KIAA1671: variants seen among roughly 807,000 people sequenced by gnomAD.
KIAA1671 encodes the protein uncharacterized protein KIAA1671.
Under a neutral mutation model 131.2 loss-of-function variants are expected in KIAA1671, and 52 were observed. The ratio of observed to expected loss-of-function variants is 0.40; its 90% CI spans 0.32 to 0.50. KIAA1671 has a LOEUF of 0.50. Ranked by LOEUF, KIAA1671 falls within the 20% of genes least tolerant of loss-of-function variation. KIAA1671 has a pLI of 0.73. For missense variants in KIAA1671, 2,360 were observed against 2,364.2 expected, an observed-to-expected ratio of 1.00 and a Z score of 0.04; for synonymous variants, 1,003 against 961.6, an observed-to-expected ratio of 1.04 and a Z score of -0.80.
intron 6 of KIAA1671, among the ~76,000 whole-genome samples, chr22:25,113,230 C>G (rs1364565826): frequency 6.6e-6 from 1 of 152,140 alleles, no homozygotes; most frequent in African/African-American, 2.4e-5. Flanking sequence ...AGCCAGGTCC[C>G]GAACCCCAGG....
intron 6 of KIAA1671, among the ~76,000 whole-genome samples, chr22:25,128,057 A>G (rs1307401077): frequency 1.3e-5 from 2 of 152,150 alleles, no homozygotes; most frequent in African/African-American, 2.4e-5. Context: ...TTGAGTTGTG[A>G]TATCCTTGCA....
intron 6 of KIAA1671, among the ~76,000 whole-genome samples, chr22:25,119,279 C>T (rs1265908360): frequency 6.6e-6 from 1 of 152,156 alleles, no homozygotes; most frequent in Non-Finnish European, 1.5e-5. Context: ...GTGTACACCT[C>T]TTAAGAGATG....
chr22:25,012,424 C>T (rs1362494576), intron 1 of KIAA1671: 1 of 151,972 alleles, frequency 6.6e-6, no homozygotes. Flanking sequence ...AGGCATGCGT[C>T]ACCACGCCCA....
intron 1 of KIAA1671, among the ~76,000 whole-genome samples, chr22:25,004,044 T>G (rs1030755904): frequency 2.7e-5 from 4 of 150,732 alleles, no homozygotes; most frequent in Admixed American, 6.6e-5. Context: ...GTCTCGGACT[T>G]CTGACCTTGT....
intron 1 of KIAA1671, among the ~76,000 whole-genome samples, chr22:24,988,700 C>T (rs1260650494): frequency 2.8e-5 from 4 of 143,988 alleles, no homozygotes; most frequent in African/African-American, 1.1e-4. Context: ...GACACCACTG[C>T]ACTCCAGCCT....
At chr22:25,069,446 A>T (rs1928687687) in intron 6 of KIAA1671, among the ~76,000 whole-genome samples, 2 of 152,214 alleles carry the variant, frequency 1.3e-5, no homozygotes, top group South Asian at 2.1e-4. Context: ...CACCTGGTGC[A>T]GCTGGCAGCT....
chr22:25,053,965 A>AT (rs1244861865), intron 6 of KIAA1671: 1 of 150,474 alleles, frequency 6.6e-6, no homozygotes, highest in East Asian at 2.0e-4. Flanking sequence ...TAGGCAGGCG[A>AT]TTCGCCTGAG....
intron 1 of KIAA1671, among the ~76,000 whole-genome samples, chr22:25,007,269 C>T (rs1008418377): frequency 1.3e-5 from 2 of 151,794 alleles, no homozygotes; most frequent in African/African-American, 2.4e-5. Flanking sequence ...GGGCGGATCA[C>T]GAGGTCAAGA....
At chr22:25,108,201 A>G (rs1476850353) in intron 6 of KIAA1671, among the ~76,000 whole-genome samples, 1 of 152,082 alleles carries the variant, frequency 6.6e-6, no homozygotes, top group Non-Finnish European at 1.5e-5. Flanking sequence ...AACACTGGGT[A>G]TGATCATTTT....
At chr22:25,177,796 C>T (rs1333281949) in intron 9 of KIAA1671, among the ~76,000 whole-genome samples, 1 of 152,144 alleles carries the variant, frequency 6.6e-6, no homozygotes, top group Non-Finnish European at 1.5e-5. Context: ...TATCCCAGCC[C>T]TCGGTTCTGC....
chr22:25,101,866 CT>C (rs1285687130), intron 6 of KIAA1671, among the ~76,000 whole-genome samples: 1 of 152,138 alleles, frequency 6.6e-6, no homozygotes, highest in African/African-American at 2.4e-5. Context: ...GAGGGGAAGA[CT>C]GATGGGTAAA....
At chr22:24,985,911 TG>T (rs1441786624) in intron 1 of KIAA1671, among the ~76,000 whole-genome samples, 1 of 152,040 alleles carries the variant, frequency 6.6e-6, no homozygotes, top group Non-Finnish European at 1.5e-5. Context: ...GCGAGGGTTG[TG>T]GGGTAACCCT....
chr22:24,984,737 C>T (rs1602044477), intron 1 of KIAA1671, among the ~76,000 whole-genome samples: 1 of 151,950 alleles, frequency 6.6e-6, no homozygotes, highest in East Asian at 1.9e-4. Context: ...CATGGTGAAA[C>T]CCCATCTCTA....
Position 25,143,138 on chromosome 22 carries a change from G to A in KIAA1671, c.4531-27682G>A, listed in dbSNP as rs547847451. On this transcript the variant is annotated intron_variant, in intron 6 of 12. Transcript: ENST00000358431. ...TCAGGCTCTCCCCGTCCTGGGCACC[G>A]GCCAAGGTGCCAAGGAGACAGTGGT... 1.2e-4 allele frequency among the ~76,000 whole-genome samples: 18 copies of A among 152,342 alleles called. No individual in the cohort carries two copies. In the South Asian group the frequency reaches 1.4e-3, roughly 12 times the overall value.
chr22:25,040,146 G>A lies in KIAA1671; in HGVS notation c.3016G>A (p.Ala1006Thr). 6.4e-7 allele frequency: 1 copy of A among 1,551,708 alleles called. No individual in the cohort carries two copies. ...GGAGACCCAGGAGGTGAACCCAGGT[G>A]CTTCACGGGACCAGACTTCCCCAGC... Reference protein sequence around the residue: ...RVETQEVNPGASRDQTSPAVK... With the variant: ...RVETQEVNPGTSRDQTSPAVK... Residue 1006 changes from alanine to threonine, a missense_variant, in exon 5 of 13, where the codon GCT (alanine) becomes ACT (threonine). By Grantham distance (58) the Ala-to-Thr change is moderately conservative. This residue lies in a region of KIAA1671 where 1,161 missense variants were observed against 1,204.7 expected (regional missense o/e 0.96). Coordinates refer to ENST00000358431, the MANE Select transcript of KIAA1671 (RefSeq NM_001145206.2).
intron 6 of KIAA1671, among the ~76,000 whole-genome samples, chr22:25,087,599 C>A (rs1929794525): frequency 6.6e-6 from 1 of 152,094 alleles, no homozygotes; most frequent in Non-Finnish European, 1.5e-5. Context: ...AACCAACCAA[C>A]CAACCAAACA....
intron 1 of KIAA1671, among the ~76,000 whole-genome samples, chr22:24,954,894 C>T (rs914950436): frequency 6.6e-6 from 1 of 152,196 alleles, no homozygotes; most frequent in Non-Finnish European, 1.5e-5. Context: ...AATTCTCCGG[C>T]CTCAGCCTCC....
At chr22:25,017,469 A>C (rs1251754212) in intron 1 of KIAA1671, among the ~76,000 whole-genome samples, 1 of 152,182 alleles carries the variant, frequency 6.6e-6, no homozygotes. Context: ...CAGGTCTTAC[A>C]GGGAGTTACT....
intron 6 of KIAA1671, among the ~76,000 whole-genome samples, chr22:25,163,310 T>C (rs1042433316): frequency 2.8e-5 from 4 of 142,956 alleles, no homozygotes; most frequent in African/African-American, 5.3e-5. Context: ...GCCTGGGTGA[T>C]AGAGTGAGAC....
Sources: allele counts gnomAD v4.1 joint callset (sites outside exome capture counted in the v4.1 genomes callset), GRCh38; gene constraint gnomAD v4.1.1; regional missense constraint gnomAD v4.1.1; transcripts MANE v1.5; gene names NCBI Gene and HGNC (gene_info 2026-07-23, HGNC 2026-07-21).